The following CCSER1 variants were observed in gnomAD, a reference collection of about 807,000 sequenced individuals.
The protein encoded by CCSER1 is coiled-coil serine rich protein 1.
CCSER1 carries 41 observed loss-of-function variants against 82.0 expected under a neutral mutation model. That is an observed-to-expected ratio of 0.50 (90% CI 0.39 to 0.65). The LOEUF (loss-of-function observed/expected upper bound fraction) is 0.65. CCSER1 is among the 30% of genes least tolerant of loss of function. The pLI, the probability that CCSER1 is intolerant of heterozygous loss-of-function variation, is 0.00. For missense variants in CCSER1, 1,119 were observed against 1,064.2 expected (o/e 1.05, Z -0.72); for synonymous variants, 414 against 383.9 (o/e 1.08, Z -0.92).
intron 6 of CCSER1, among the ~76,000 whole-genome samples, chr4:90,685,658 CTGTTTAT>C (rs1734695111): frequency 6.6e-6 from 1 of 152,166 alleles, no homozygotes; most frequent in African/African-American, 2.4e-5. Flanking sequence ...TAGACAGTAA[CTGTTTAT>C]TGTCTGGTGA....
intron 1 of CCSER1, among the ~76,000 whole-genome samples, chr4:90,301,932 T>G (rs2153474358): frequency 6.6e-6 from 1 of 152,300 alleles, no homozygotes. Flanking sequence ...TTCATTAAAC[T>G]TATTCAGCAT....
At chr4:90,358,471 C>T (rs762528203) in intron 3 of CCSER1, among the ~76,000 whole-genome samples, 46 of 152,134 alleles carry the variant, frequency 3.0e-4, no homozygotes, top group Non-Finnish European at 5.7e-4. Context: ...GAAACAGCAG[C>T]GAGTACAAAA....
intron 9 of CCSER1, among the ~76,000 whole-genome samples, chr4:91,033,050 A>T (rs1429184711): frequency 1.6e-5 from 2 of 125,644 alleles, no homozygotes; most frequent in Admixed American, 1.6e-4. Context: ...GAAAATACAT[A>T]CAAATAAACA....
At chr4:91,472,411 G>GT (rs796180946) in intron 10 of CCSER1, among the ~76,000 whole-genome samples, 3 of 152,080 alleles carry the variant, frequency 2.0e-5, no homozygotes, top group Non-Finnish European at 4.4e-5. Context: ...AAGATTTTAC[G>GT]TTTTTTTCCC....
At chr4:91,232,664 A>G (rs1251653736) in intron 10 of CCSER1, among the ~76,000 whole-genome samples, 1 of 151,854 alleles carries the variant, frequency 6.6e-6, no homozygotes, top group East Asian at 1.9e-4. Flanking sequence ...TATAAATTAT[A>G]TAATCTGTAT....
At chr4:91,354,598 G>A (rs1308071887) in intron 10 of CCSER1, among the ~76,000 whole-genome samples, 3 of 152,282 alleles carry the variant, frequency 2.0e-5, no homozygotes, top group East Asian at 1.9e-4. Context: ...CAACTAAACC[G>A]CCTTACAGGA....
At chr4:90,753,922 C>T (rs1397790607) in intron 7 of CCSER1, among the ~76,000 whole-genome samples, 1 of 152,156 alleles carries the variant, frequency 6.6e-6, no homozygotes, top group Non-Finnish European at 1.5e-5. Flanking sequence ...GATAGTCATA[C>T]TAATGTTTTC....
intron 3 of CCSER1, among the ~76,000 whole-genome samples, chr4:90,338,932 T>C (rs964232204): frequency 6.6e-6 from 1 of 152,188 alleles, no homozygotes; most frequent in African/African-American, 2.4e-5. Flanking sequence ...GATACATTCT[T>C]GGTAGGGAGC....
intron 7 of CCSER1, among the ~76,000 whole-genome samples, chr4:90,738,946 G>T (rs1313082169): frequency 6.6e-6 from 1 of 152,186 alleles, no homozygotes; most frequent in Non-Finnish European, 1.5e-5. Context: ...CCAGGAGCTT[G>T]TTTGTTGCTC....
At chr4:90,526,236 T>A (rs540375309) in intron 5 of CCSER1, among the ~76,000 whole-genome samples, 2 of 152,148 alleles carry the variant, frequency 1.3e-5, no homozygotes, top group Admixed American at 1.3e-4. Flanking sequence ...GTATGTGGTT[T>A]GCCAAAAATA....
In CCSER1 at chr4:90,789,969, C is replaced by T. The variant is rs1235111892; in HGVS notation, c.2011-25793C>T. 3.9e-5 allele frequency among the ~76,000 whole-genome samples: 6 copies of T among 152,208 alleles called. No individual in the cohort carries two copies. In the East Asian group the frequency reaches 1.2e-3, roughly 29 times the overall value. ...CACCTGAAATTTTATTTGCTCTCAA[C>T]AGGAGTGAGCAATACTTCCATTCCA... On this transcript the variant is annotated intron_variant, in intron 7 of 10. Coordinates refer to ENST00000509176, the MANE Select transcript of CCSER1 (RefSeq NM_001145065.2).
chr4:90,760,510 C>G (rs1514740), intron 7 of CCSER1, among the ~76,000 whole-genome samples: 1 of 151,574 alleles, frequency 6.6e-6, no homozygotes, highest in Non-Finnish European at 1.5e-5. Context: ...TCCAATAATA[C>G]TATTTATAAT....
At chr4:90,158,941 G>T (rs1449180160) in intron 1 of CCSER1, among the ~76,000 whole-genome samples, 1 of 152,094 alleles carries the variant, frequency 6.6e-6, no homozygotes, top group East Asian at 1.9e-4. Context: ...ACCTCAGATG[G>T]AAATGCAGAA....
intron 8 of CCSER1, among the ~76,000 whole-genome samples, chr4:90,921,276 C>G (rs947719230): frequency 6.7e-6 from 1 of 149,098 alleles, no homozygotes; most frequent in African/African-American, 2.5e-5. Flanking sequence ...ATGTTTACGG[C>G]CTTCTATTAA....
intron 8 of CCSER1, among the ~76,000 whole-genome samples, chr4:90,919,199 G>A (rs909700682): frequency 1.8e-4 from 27 of 151,374 alleles, no homozygotes; most frequent in African/African-American, 6.0e-4. Context: ...TAGCTATGCA[G>A]CAAGTATAAA....
At chr4:90,372,256 T>C (rs1747563459) in intron 3 of CCSER1, among the ~76,000 whole-genome samples, 1 of 152,144 alleles carries the variant, frequency 6.6e-6, no homozygotes. Flanking sequence ...ATCTAAATAA[T>C]TTGTTCAATA....
intron 5 of CCSER1, among the ~76,000 whole-genome samples, chr4:90,502,139 C>T (rs1769978981): frequency 6.6e-6 from 1 of 152,008 alleles, no homozygotes; most frequent in Non-Finnish European, 1.5e-5. Flanking sequence ...TCAAGAACTA[C>T]CTGAGACTGG....
chr4:91,507,989 T>A (rs1759593941), intron 10 of CCSER1, among the ~76,000 whole-genome samples: 1 of 99,784 alleles, frequency 1.0e-5, no homozygotes, highest in African/African-American at 3.8e-5. Context: ...TTCTTAGGAT[T>A]TTCTATATAT....
intron 10 of CCSER1, among the ~76,000 whole-genome samples, chr4:91,297,019 G>C (rs1215169073): frequency 6.6e-6 from 1 of 151,658 alleles, no homozygotes; most frequent in Non-Finnish European, 1.5e-5. Context: ...TCCTTAAAGA[G>C]GACTAGTGGT....
Sources: gnomAD v4.1 joint callset for allele counts (sites outside exome capture counted in the v4.1 genomes callset) on GRCh38, gnomAD v4.1.1 for gene constraint, MANE v1.5 for transcripts, NCBI Gene and HGNC (gene_info 2026-07-23, HGNC 2026-07-21) for gene names.